Variants in VCPKMT observed in about 807,000 individuals in gnomAD.
VCPKMT encodes the protein protein N-lysine methyltransferase METTL21D.
A neutral mutation model predicts 28.6 loss-of-function variants in VCPKMT; 32 were observed. The ratio of observed to expected loss-of-function variants is 1.12; its 90% confidence interval spans 0.84 to 1.50. The LOEUF is 1.50. Ranked by LOEUF, VCPKMT falls within the 40% of genes most tolerant of loss-of-function variation. The pLI is 0.00. For synonymous variants in VCPKMT, 138 were observed against 111.4 expected, an observed-to-expected ratio of 1.24 and a Z score of -1.50; for missense variants, 366 against 285.0, an observed-to-expected ratio of 1.28 and a Z score of -2.05.
intron 5 of VCPKMT, among the ~76,000 whole-genome samples, chr14:50,110,000 C>T (rs959534117): frequency 6.6e-6 from 1 of 152,164 alleles, no homozygotes; most frequent in Non-Finnish European, 1.5e-5. Context: ...AATCCCAGCA[C>T]TTTGGGAGGC....
At chr14:50,115,656 G>A (rs1883101026) in intron 3 of VCPKMT, among the ~76,000 whole-genome samples, 183 bp downstream of exon 3, 1 of 152,126 alleles carries the variant, frequency 6.6e-6, no homozygotes, top group Admixed American at 6.5e-5. Flanking sequence ...TCACCAGGTC[G>A]GTATGATAAT....
downstream of VCPKMT, chr14:50,106,553 C>T (rs1882327585): frequency 1.0e-6 from 1 of 985,408 alleles, no homozygotes; most frequent in African/African-American, 1.7e-5. Context: ...AGTGCATCTT[C>T]AATACCCCTC....
intron 5 of VCPKMT, among the ~76,000 whole-genome samples, chr14:50,110,061 C>T (rs1882536813): frequency 1.3e-5 from 2 of 152,170 alleles, no homozygotes; most frequent in Admixed American, 1.3e-4. Context: ...CCTGGCCAAC[C>T]TAGTGAAACC....
In VCPKMT at chr14:50,116,522, C is replaced by A; in HGVS notation, c.31G>T (p.Asp11Tyr). ...ACTCGCACAAAGCTCCGCAGTGGGT[C>A]CTCCAGCGAGGACTCCAGCGTATCC... MADTLESSLEDPLRSFVRVLE... is the reference protein window; with the variant it reads MADTLESSLEYPLRSFVRVLE... Residue 11 changes from aspartate (D) to tyrosine (Y), a missense_variant, in exon 1 of 6, where the codon GAC becomes TAC. Transcript: ENST00000395860. 2 of 1,613,262 alleles carry A rather than the reference C, an allele frequency of 1.2e-6. No individual in the cohort carries two copies. The highest frequency in any genetic ancestry group is 8.5e-7 in the Non-Finnish European group (1 of 1,179,668).
chr14:50,107,596 G>C (rs1882375414), downstream of VCPKMT, among the ~76,000 whole-genome samples: 1 of 152,184 alleles, frequency 6.6e-6, no homozygotes, highest in African/African-American at 2.4e-5. Flanking sequence ...CGCGCGTGGG[G>C]CCTATTTGAC....
In VCPKMT at chr14:50,108,800, G is replaced by C; in HGVS notation, c.*899C>G. 9.1e-6 allele frequency: 9 copies of C among 985,548 alleles called. No homozygotes were observed. Among genetic ancestry groups the C allele is most frequent in the African/African-American group, 1.7e-5 (1 of 57,352 alleles). 61.1% of individuals were successfully genotyped at this position (985,548 alleles called of 1,614,324 possible). On this transcript the variant is annotated 3_prime_UTR_variant, in exon 6 of 6. Coordinates refer to ENST00000395860, the MANE Select transcript of VCPKMT (RefSeq NM_024558.3). ...ATGGCTTCATAACATAAAACAGAGAGACACAGAACAGAAATTCATTTGGTA... is the reference window on the plus strand; with the variant it reads ...ATGGCTTCATAACATAAAACAGAGACACACAGAACAGAAATTCATTTGGTA...
intron 5 of VCPKMT, chr14:50,111,758 T>G: frequency 1.7e-6 from 1 of 602,078 alleles, no homozygotes; most frequent in Non-Finnish European, 2.1e-6. Flanking sequence ...TGGTGGTGCA[T>G]GCCTATGGTC....
downstream of VCPKMT, among the ~76,000 whole-genome samples, chr14:50,104,709 A>C (rs892849375): frequency 6.6e-5 from 10 of 151,800 alleles, no homozygotes; most frequent in Admixed American, 1.3e-4. Flanking sequence ...AAAAAAAAAA[A>C]CTGCTTTGAA....
chr14:50,116,517 T>G lies in VCPKMT; in HGVS notation c.36A>C (p.Pro12=), dbSNP rs749238815. The G allele has an allele frequency of 5.0e-6, 8 of 1,613,422 alleles. No homozygotes were observed. The South Asian group carries it at 5.5e-5, about 11-fold the overall frequency. The change falls in exon 1 of 6, where the codon CCA becomes CCC. Residue 12 remains proline (P), a synonymous_variant. Coordinates refer to ENST00000395860, the MANE Select transcript of VCPKMT (RefSeq NM_024558.3). The part of the protein sequence containing the change: ...ADTLESSLED[P]LRSFVRVLEK... The stretch of plus-strand genomic sequence containing the variant: ...CCAAAACTCGCACAAAGCTCCGCAG[T>G]GGGTCCTCCAGCGAGGACTCCAGCG...
chr14:50,110,539 A>AT (rs1229196411), intron 5 of VCPKMT, among the ~76,000 whole-genome samples: 13 of 152,328 alleles, frequency 8.5e-5, no homozygotes, highest in Admixed American at 3.3e-4. Context: ...GATGGGTATA[A>AT]TTAACAAATG....
chr14:50,107,551 A>T (rs2139425412), downstream of VCPKMT, among the ~76,000 whole-genome samples: 2 of 152,212 alleles, frequency 1.3e-5, no homozygotes, highest in Admixed American at 1.3e-4. Flanking sequence ...CGACCTCAGG[A>T]GATCCGTCTG....
downstream of VCPKMT, among the ~76,000 whole-genome samples, chr14:50,106,881 A>C (rs989425561): frequency 6.6e-6 from 1 of 152,076 alleles, no homozygotes; most frequent in Non-Finnish European, 1.5e-5. Context: ...ACCACACCCA[A>C]GTAATTTTTT....
chr14:50,108,076 C>G (rs58107590), downstream of VCPKMT, among the ~76,000 whole-genome samples: 1 of 150,774 alleles, frequency 6.6e-6, no homozygotes, highest in South Asian at 2.1e-4. Flanking sequence ...GTAGTTCCAG[C>G]TACTAAGGAG....
chr14:50,114,350 T>A lies in VCPKMT; in HGVS notation c.505A>T (p.Ile169Phe), dbSNP rs771023494. The A allele has an allele frequency of 1.3e-5, 20 of 1,592,284 alleles. 1 individual carries two copies. The South Asian group carries it at 2.0e-4, about 16-fold the overall frequency. Residue 169 changes from isoleucine to phenylalanine, a missense_variant, in exon 4 of 6, where the codon ATT (isoleucine) becomes TTT (phenylalanine). Ile to Phe is a conservative substitution (Grantham distance 21). Transcript: ENST00000395860. The part of the protein sequence containing the change: ...LKDISGFETC[I>F]ICCYEQRTMG... ...GTTCGTTGTTCATAACAACATATAA[T>A]ACAAGTTTCAAATCCGCTGATATCT...
At chr14:50,106,480 T>C (rs1242684810), downstream of VCPKMT, 1 of 906,472 alleles carries the variant, frequency 1.1e-6, no homozygotes, top group Non-Finnish European at 1.3e-6. Flanking sequence ...CGTCGTCCCC[T>C]CCTTCATGTT....
intron 5 of VCPKMT, 139 bp from the exon 6 acceptor site, chr14:50,109,852 A>G: frequency 1.0e-6 from 1 of 986,312 alleles, no homozygotes. Context: ...GTGAACAACC[A>G]TGCATGTTTA....
At chr14:50,111,137 T>G in intron 5 of VCPKMT, 1 of 944,366 alleles carries the variant, frequency 1.1e-6, no homozygotes, top group South Asian at 4.9e-5. Context: ...AATTTTATGG[T>G]ATGTGAGTTA....
chr14:50,108,275 T>C (rs1156959140), downstream of VCPKMT, among the ~76,000 whole-genome samples: 1 of 151,800 alleles, frequency 6.6e-6, no homozygotes, highest in Non-Finnish European at 1.5e-5. Context: ...GGTGGACTAT[T>C]ATAGTCAAGG....
At chr14:50,114,230 T>C (rs1052678019) in intron 4 of VCPKMT, 55 bp downstream of exon 4, 1 of 1,412,382 alleles carries the variant, frequency 7.1e-7, no homozygotes, top group African/African-American at 1.5e-5. Flanking sequence ...AAGAGTCACA[T>C]ACAGCCCCCC....
Sources: gnomAD v4.1 joint callset for allele counts (sites outside exome capture counted in the v4.1 genomes callset) on GRCh38, gnomAD v4.1.1 for gene constraint, MANE v1.5 for transcripts, NCBI Gene and HGNC (gene_info 2026-07-23, HGNC 2026-07-21) for gene names.